The following PAPPA variants were observed in gnomAD, a reference collection of about 807,000 sequenced individuals.
PAPPA encodes pappalysin-1.
A neutral mutation model predicts 164.0 loss-of-function variants in PAPPA; 60 were observed. The observed-to-expected ratio is 0.37, with a 90% confidence interval of 0.30 to 0.45. The LOEUF is 0.45. Ranked by LOEUF, PAPPA falls within the 20% of genes least tolerant of loss-of-function variation. The probability of loss-of-function intolerance (pLI) is 1.00; values close to 1 mark genes in which losing one functional copy is unlikely to be tolerated. For missense variants in PAPPA, 1,782 were observed against 2,087.3 expected, an observed-to-expected ratio of 0.85 and a Z score of 2.85; for synonymous variants, 875 against 814.1, an observed-to-expected ratio of 1.07 and a Z score of -1.27.
chr9:116,363,715 T>C (rs1310397292), intron 18 of PAPPA, among the ~76,000 whole-genome samples: 3 of 152,226 alleles, frequency 2.0e-5, no homozygotes, highest in African/African-American at 4.8e-5. Context: ...GAAGGTTATC[T>C]GAATGTGCAT....
At chr9:116,174,175 A>G (rs911444745) in intron 1 of PAPPA, among the ~76,000 whole-genome samples, 1 of 152,210 alleles carries the variant, frequency 6.6e-6, no homozygotes, top group Non-Finnish European at 1.5e-5. Context: ...CCTGGCACAC[A>G]GTAATCACTC....
chr9:116,347,236 G>A lies in PAPPA; in HGVS notation c.3964+27G>A, dbSNP rs993652776. On this transcript the variant is annotated intron_variant, in intron 15 of 21. Transcript: ENST00000328252. This position sits in a 1 kb window ranked among gnomAD's most constrained non-coding sequence, Gnocchi z 4.5. ...TATCAAGAACGCCTTCCCCAGCTCA[G>A]CCTTCCTTTGTCTATGGGAAACCTA... 1 of 1,577,992 alleles carries A rather than the reference G, an allele frequency of 6.3e-7. No homozygotes were observed. The highest frequency in any genetic ancestry group is 8.6e-7 in the Non-Finnish European group (1 of 1,160,004).
chr9:116,219,356 G>A (rs1219213157), intron 4 of PAPPA, among the ~76,000 whole-genome samples: 1 of 152,194 alleles, frequency 6.6e-6, no homozygotes, highest in Non-Finnish European at 1.5e-5. Flanking sequence ...CCATGCCCTT[G>A]GGCACAGAGC....
chr9:116,283,700 C>T (rs1845295454), intron 9 of PAPPA, among the ~76,000 whole-genome samples: 1 of 152,320 alleles, frequency 6.6e-6, no homozygotes, highest in Non-Finnish European at 1.5e-5. Flanking sequence ...TAACTATCAG[C>T]CGCCATTGGC....
chr9:116,271,399 T>C lies in PAPPA; in HGVS notation c.2936T>C (p.Val979Ala). 1 of 1,611,810 alleles carries C rather than the reference T, an allele frequency of 6.2e-7. No individual in the cohort carries two copies. Among genetic ancestry groups the C allele is most frequent in the Non-Finnish European group, 8.5e-7 (1 of 1,177,896 alleles). Reference protein sequence around the residue: ...DGCSLFCRQEVSFNCIDEPSR... With the variant: ...DGCSLFCRQEASFNCIDEPSR... ...TGCTCCCTTTTCTGCCGACAAGAAGTCTCCTTCAATTGTATTGGTACGTCT... is the reference window on the plus strand; with the variant it reads ...TGCTCCCTTTTCTGCCGACAAGAAGCCTCCTTCAATTGTATTGGTACGTCT... The change falls in exon 9 of 22, where the codon GTC becomes GCC. Residue 979 changes from valine (V) to alanine (A), a missense_variant. Physicochemically the swap from Val to Ala is moderately conservative, Grantham distance 64. Around this residue, in one of 2 missense-constraint regions of PAPPA, gnomAD observed 1,324 missense variants for 1,656.9 expected, o/e 0.80. Coordinates refer to ENST00000328252, the MANE Select transcript of PAPPA (RefSeq NM_002581.5). This position sits in a 1 kb window ranked among gnomAD's most constrained non-coding sequence, Gnocchi z 4.2.
chr9:116,334,772 T>C, intron 12 of PAPPA, 89 bp from the exon 13 acceptor site: 1 of 896,482 alleles, frequency 1.1e-6, no homozygotes, highest in Non-Finnish European at 1.8e-6. Context: ...TGAAAGGGTC[T>C]GGGGGCTTCG....
chr9:116,326,391 C>T (rs1265350007), intron 10 of PAPPA, among the ~76,000 whole-genome samples: 2 of 152,036 alleles, frequency 1.3e-5, no homozygotes, highest in African/African-American at 4.8e-5. Flanking sequence ...GGAATAAGGG[C>T]TGGGGAAGCT....
intron 19 of PAPPA, among the ~76,000 whole-genome samples, chr9:116,374,146 ATGG>A (rs10538501): frequency 0.15 from 14,409 of 94,764 alleles, 827 homozygotes; most frequent in African/African-American, 0.19. Context: ...GGTGCAGATG[ATGG>A]TGGTAGTGTT....
chr9:116,336,602 T>C (rs1296335362), intron 13 of PAPPA, among the ~76,000 whole-genome samples: 2 of 152,214 alleles, frequency 1.3e-5, no homozygotes, highest in Admixed American at 6.5e-5. Context: ...ACTGACTTGT[T>C]TGAATTCTCG....
intron 15 of PAPPA, among the ~76,000 whole-genome samples, chr9:116,349,320 A>G (rs1004692669): frequency 1.1e-4 from 17 of 152,222 alleles, no homozygotes; most frequent in African/African-American, 4.1e-4. Context: ...GGGACAAACA[A>G]GTTAGGTGAT....
intron 10 of PAPPA, among the ~76,000 whole-genome samples, chr9:116,314,960 G>A (rs1438182124): frequency 6.6e-6 from 1 of 152,180 alleles, no homozygotes; most frequent in Non-Finnish European, 1.5e-5. Flanking sequence ...AGCAGCTAAC[G>A]ATTTGGCCCT....
At chr9:116,175,684 G>T (rs1235144309) in intron 1 of PAPPA, among the ~76,000 whole-genome samples, 1 of 152,036 alleles carries the variant, frequency 6.6e-6, no homozygotes, top group South Asian at 2.1e-4. Context: ...ACTATATGGA[G>T]GGTTCTATAT....
At chr9:116,196,507 C>T (rs1249168000) in intron 2 of PAPPA, among the ~76,000 whole-genome samples, 1 of 152,218 alleles carries the variant, frequency 6.6e-6, no homozygotes, top group Non-Finnish European at 1.5e-5. Flanking sequence ...GACAGCAGCA[C>T]ATTTTGTTTT....
At chr9:116,368,981 T>C (rs1564244516) in intron 19 of PAPPA, among the ~76,000 whole-genome samples, 1 of 152,054 alleles carries the variant, frequency 6.6e-6, no homozygotes. Context: ...CCTTTCTGCT[T>C]CCTCTTTCTC....
chr9:116,248,165 A>G (rs1844818848), intron 7 of PAPPA, among the ~76,000 whole-genome samples: 1 of 152,224 alleles, frequency 6.6e-6, no homozygotes. Flanking sequence ...CTCTACCAGG[A>G]GTTGCTATGC....
intron 9 of PAPPA, among the ~76,000 whole-genome samples, chr9:116,273,998 T>TA: frequency 6.6e-6 from 1 of 152,024 alleles, no homozygotes; most frequent in Non-Finnish European, 1.5e-5. Context: ...TATGGGGTGA[T>TA]GATCTAAGGA....
At chr9:116,178,500 T>A (rs888839073) in intron 1 of PAPPA, among the ~76,000 whole-genome samples, 2 of 152,186 alleles carry the variant, frequency 1.3e-5, no homozygotes, top group Non-Finnish European at 2.9e-5. Flanking sequence ...TCTTACTAAA[T>A]CCTCGAAATG....
chr9:116,378,887 A>C (rs1846690152), intron 20 of PAPPA, among the ~76,000 whole-genome samples: 2 of 152,064 alleles, frequency 1.3e-5, no homozygotes, highest in African/African-American at 4.8e-5. Context: ...TTTTCTCTGC[A>C]TTGTTGAGGG....
chr9:116,321,288 A>G (rs1180037017), intron 10 of PAPPA, among the ~76,000 whole-genome samples: 8 of 152,050 alleles, frequency 5.3e-5, no homozygotes, highest in African/African-American at 1.9e-4. Flanking sequence ...CAGCCTCCCA[A>G]AGTGCTGGGA....
Sources: gnomAD v4.1 joint callset for allele counts (sites outside exome capture counted in the v4.1 genomes callset) on GRCh38, gnomAD v4.1.1 for gene constraint, gnomAD v4.1.1 regional missense constraint, Gnocchi (gnomAD v3.1) non-coding constraint, MANE v1.5 for transcripts, NCBI Gene and HGNC (gene_info 2026-07-23, HGNC 2026-07-21) for gene names.